PRKDC: variants seen among roughly 807,000 people sequenced by gnomAD.
The protein encoded by PRKDC is protein kinase, DNA-activated, catalytic subunit, also known as DNA-dependent protein kinase catalytic subunit.
In PRKDC, 82 loss-of-function variants were observed where a neutral mutation model predicts 486.9. The observed-to-expected ratio is 0.17, with a 90% CI of 0.14 to 0.20. The LOEUF (loss-of-function observed/expected upper bound fraction) is 0.20, where lower values mean the gene tolerates loss of function less well. Ranked by LOEUF, PRKDC falls within the 10% of genes least tolerant of loss-of-function variation. The pLI is 1.00. For synonymous variants in PRKDC, 1,895 were observed against 1,837.0 expected (o/e 1.03, Z -0.81); for missense variants, 4,504 against 5,038.2 (o/e 0.89, Z 3.21).
chr8:47,832,021 T>C lies in PRKDC; in HGVS notation c.8153-95A>G. Reference sequence around the variant, plus strand: ...CTCGGGTTTCCTCAAAGACAAAACCTACAGGTGCCGCAGAGGCAGCGACCG... The same window carrying C: ...CTCGGGTTTCCTCAAAGACAAAACCCACAGGTGCCGCAGAGGCAGCGACCG... On this transcript the variant is annotated intron_variant, in intron 59 of 85. Transcript: ENST00000314191. 6 of 1,139,816 alleles carry C rather than the reference T, an allele frequency of 5.3e-6. No individual in the cohort carries two copies. In the Admixed American group the frequency reaches 1.2e-4, roughly 22 times the overall value. 70.6% of individuals were successfully genotyped at this position (1,139,816 alleles called of 1,614,324 possible).
chr8:47,776,878 T>G lies in PRKDC; in HGVS notation c.12148A>C (p.Lys4050Gln). The change falls in exon 85 of 86, where the codon AAG becomes CAG. Residue 4050 changes from lysine (K) to glutamine (Q), a missense_variant. Physicochemically the swap from Lys to Gln is moderately conservative, Grantham distance 53 (BLOSUM62 1). Around this residue, in one of 6 missense-constraint regions of PRKDC, gnomAD observed 706 missense variants for 945.0 expected, o/e 0.75. Coordinates refer to ENST00000314191, the MANE Select transcript of PRKDC (RefSeq NM_006904.7). ...ACTGCTGGATTGGCACCTGCTAACT[T>G]TCTCTTAGCGTAACATATTTTCTGT... is the stretch of plus-strand genomic sequence containing the variant. ...PRQKICYAKR[K>Q]LAGANPAVIT... is the part of the protein sequence containing the mutation. 6.2e-7 allele frequency: 1 copy of G among 1,613,990 alleles called. No individual in the cohort carries two copies. The highest frequency in any genetic ancestry group is 8.5e-7 in the Non-Finnish European group (1 of 1,179,874).
chr8:47,857,150 C>A lies in PRKDC; in HGVS notation c.6609+6G>T, dbSNP rs1042180316. On this transcript the variant is annotated splice_donor_region_variant and intron_variant, in intron 49 of 85. Coordinates refer to ENST00000314191, the MANE Select transcript of PRKDC (RefSeq NM_006904.7). ...ATATTAACATAAAAGATGCATCAAT[C>A]CTTACTGTTGGAGTGGCCAAGCCTG... 6.2e-7 allele frequency: 1 copy of A among 1,612,112 alleles called. No homozygotes were observed. The highest frequency in any genetic ancestry group is 1.3e-5 in the African/African-American group (1 of 74,846).
At position 47,854,070 on chromosome 8, in the gene PRKDC, AG is replaced by A. The variant is rs772087267; in HGVS notation, c.6893+12del. 1.9e-5 allele frequency: 30 copies of A among 1,613,328 alleles called. No homozygotes were observed. Among genetic ancestry groups the A allele is most frequent in the Non-Finnish European group, 2.3e-5 (27 of 1,179,632 alleles). On this transcript the variant is annotated intron_variant, in intron 51 of 85. Transcript: ENST00000314191. ...GTAGACGTGACCTAAAAAATAATCA[AG>A]CAAACACGTACTCGCTACTCTGGAT...
chr8:47,942,151 G>A (rs900807905), intron 10 of PRKDC, among the ~76,000 whole-genome samples: 6 of 152,236 alleles, frequency 3.9e-5, no homozygotes, highest in Admixed American at 2.0e-4. Flanking sequence ...GATGTTTATC[G>A]CAGTAAATGT....
chr8:47,898,447 G>A, intron 29 of PRKDC, 23 bp downstream of exon 29: 2 of 1,526,586 alleles, frequency 1.3e-6, no homozygotes, highest in Non-Finnish European at 1.8e-6. Context: ...GGAAAAGACG[G>A]AAAAGGAAGC....
At chr8:47,877,888 G>C in intron 39 of PRKDC, 37 bp from the exon 40 acceptor site, 1 of 1,387,924 alleles carries the variant, frequency 7.2e-7, no homozygotes, top group Non-Finnish European at 9.5e-7. Context: ...AAATTTTGTT[G>C]GGTTTTACTT....
At chr8:47,779,830 C>T (rs933531296) in intron 80 of PRKDC, among the ~76,000 whole-genome samples, 14 of 151,900 alleles carry the variant, frequency 9.2e-5, no homozygotes, top group Admixed American at 6.6e-5. Flanking sequence ...CCTCGTGATC[C>T]GCCCGCCTCG....
At chr8:47,795,059 G>A (rs1372388326) in intron 73 of PRKDC, among the ~76,000 whole-genome samples, 2 of 151,646 alleles carry the variant, frequency 1.3e-5, no homozygotes, top group Non-Finnish European at 2.9e-5. Context: ...GCTAATTTTC[G>A]TATTTTTAGT....
rs1436069671 is a variant in PRKDC, at chr8:47,826,825, C to G, written c.8614G>C (p.Asp2872His). The part of the protein sequence containing the change: ...SCQHAALLSL[D>H]PAAVSAGCLA... ...CAACCAGCGCTAACAGCCGCTGGGT[C>G]GAGGCTCAGCAGGGCTGCGTGCTGA... The change falls in exon 63 of 86, where the codon GAC (aspartate) becomes CAC (histidine). Residue 2872 changes from aspartate (D) to histidine (H), a missense_variant. Asp to His is a moderately conservative substitution (Grantham distance 81). Around this residue, in one of 6 missense-constraint regions of PRKDC, gnomAD observed 1,592 missense variants for 1,724.6 expected, o/e 0.92. Coordinates refer to ENST00000314191, the MANE Select transcript of PRKDC (RefSeq NM_006904.7). The G allele has an allele frequency of 8.7e-6, 14 of 1,600,602 alleles. No individual in the cohort carries two copies. The highest frequency in any genetic ancestry group is 4.0e-5 in the African/African-American group (3 of 74,740).
At chr8:47,815,101 G>C (rs1163460266) in intron 68 of PRKDC, among the ~76,000 whole-genome samples, 1 of 152,142 alleles carries the variant, frequency 6.6e-6, no homozygotes, top group East Asian at 1.9e-4. Flanking sequence ...GGGAGGCTGA[G>C]ACTGCAATGA....
intron 54 of PRKDC, among the ~76,000 whole-genome samples, chr8:47,844,217 C>G (rs1208060344): frequency 2.0e-5 from 3 of 152,142 alleles, no homozygotes; most frequent in African/African-American, 7.2e-5. Context: ...ATCACAAAAA[C>G]AGAAAATGAA....
At position 47,868,323 on chromosome 8, in the gene PRKDC, G is replaced by A. The variant is rs916475133; in HGVS notation, c.5364-3560C>T. 9.1e-4 allele frequency among the ~76,000 whole-genome samples: 138 copies of A among 151,796 alleles called. 6 individuals carry two copies. The highest frequency in any genetic ancestry group is 7.4e-5 in the Non-Finnish European group (5 of 67,988). Reference sequence around the variant, plus strand: ...TTGTAATCCCAGCAATTTGGAGGCTGAGAAAGAAGGATCATCTGAGCTTAT... The same window carrying A: ...TTGTAATCCCAGCAATTTGGAGGCTAAGAAAGAAGGATCATCTGAGCTTAT... On this transcript the variant is annotated intron_variant, in intron 40 of 85. Coordinates refer to ENST00000314191, the MANE Select transcript of PRKDC (RefSeq NM_006904.7).
chr8:47,807,911 T>C (rs2087250050), intron 68 of PRKDC, among the ~76,000 whole-genome samples: 1 of 152,144 alleles, frequency 6.6e-6, no homozygotes, highest in Non-Finnish European at 1.5e-5. Flanking sequence ...AGACGGGGTT[T>C]CACCATGTTG....
intron 25 of PRKDC, among the ~76,000 whole-genome samples, chr8:47,905,941 ACCTAGTGG>A (rs1321460606): frequency 6.6e-6 from 1 of 152,124 alleles, no homozygotes. Context: ...TGGAAGTGTA[ACCTAGTGG>A]CCTGGTGGAG....
intron 85 of PRKDC, among the ~76,000 whole-genome samples, chr8:47,775,723 A>G (rs911620089): frequency 6.6e-6 from 1 of 152,066 alleles, no homozygotes; most frequent in Non-Finnish European, 1.5e-5. Context: ...GATGAAGTCC[A>G]ATGTATATAT....
chr8:47,848,393 A>G (rs1441618707), intron 54 of PRKDC, among the ~76,000 whole-genome samples: 2 of 152,216 alleles, frequency 1.3e-5, no homozygotes, highest in Non-Finnish European at 2.9e-5. Flanking sequence ...CAGAAAAGCA[A>G]ATACTGCATG....
At chr8:47,823,093 T>C (rs189070705) in intron 64 of PRKDC, among the ~76,000 whole-genome samples, 3 of 151,944 alleles carry the variant, frequency 2.0e-5, no homozygotes, top group South Asian at 2.1e-4. Context: ...TCCTAGCACT[T>C]TGGGAGGCCC....
intron 70 of PRKDC, among the ~76,000 whole-genome samples, chr8:47,802,386 G>A (rs1322156424): frequency 6.6e-6 from 1 of 152,060 alleles, no homozygotes; most frequent in Admixed American, 6.5e-5. Context: ...CAGACACAGG[G>A]CAACAGAGCG....
chr8:47,782,231 T>C lies in PRKDC; in HGVS notation c.11420A>G (p.Glu3807Gly). The part of the protein sequence containing the change: ...TSRLGLIEWL[E>G]NTVTLKDLLL... ...AAGGTCCTTCAAGGTAACAGTATTT[T>C]CAAGCCACTCAATTAATCCTAACCT... Residue 3807 changes from glutamate to glycine, a missense_variant, in exon 80 of 86, where the codon GAA (glutamate) becomes GGA (glycine). This residue lies in a region of PRKDC where 706 missense variants were observed against 945.0 expected (regional missense o/e 0.75). Coordinates refer to ENST00000314191, the MANE Select transcript of PRKDC (RefSeq NM_006904.7). The surrounding 1 kb of genome is among the most constrained non-coding windows in gnomAD (Gnocchi z 4.9). 6.2e-7 allele frequency: 1 copy of C among 1,614,012 alleles called. No individual in the cohort carries two copies. Among genetic ancestry groups the C allele is most frequent in the Admixed American group, 1.7e-5 (1 of 60,028 alleles).
Sources: gnomAD v4.1 joint callset for allele counts (sites outside exome capture counted in the v4.1 genomes callset) on GRCh38, gnomAD v4.1.1 for gene constraint, gnomAD v4.1.1 regional missense constraint, Gnocchi (gnomAD v3.1) non-coding constraint, MANE v1.5 for transcripts, NCBI Gene and HGNC (gene_info 2026-07-23, HGNC 2026-07-21) for gene names.